Variants in SPAG16 observed in about 807,000 individuals in gnomAD.
The protein encoded by SPAG16 is sperm-associated antigen 16 protein.
Under a neutral mutation model 80.4 loss-of-function variants are expected in SPAG16, and 86 were observed. That is an observed-to-expected ratio of 1.07 (90% CI 0.90 to 1.28). The LOEUF is 1.28. Among genes scored for constraint, SPAG16 ranks in the 50% most tolerant of loss-of-function variants. SPAG16 has a pLI of 0.00. For synonymous variants in SPAG16, 294 were observed against 265.9 expected, an observed-to-expected ratio of 1.11 and a Z score of -1.03; for missense variants, 870 against 765.3, an observed-to-expected ratio of 1.14 and a Z score of -1.61.
intron 11 of SPAG16, among the ~76,000 whole-genome samples, chr2:213,865,631 T>C (rs2075651557): frequency 6.7e-6 from 1 of 149,482 alleles, no homozygotes; most frequent in South Asian, 2.1e-4. Flanking sequence ...AAAGGATGTA[T>C]ATTTATGTAT....
intron 15 of SPAG16, among the ~76,000 whole-genome samples, chr2:214,206,387 C>A (rs900914221): frequency 3.3e-4 from 50 of 152,244 alleles, no homozygotes; most frequent in African/African-American, 1.1e-3. Flanking sequence ...ATTTGTCTTT[C>A]TGTGTGTAGT....
intron 15 of SPAG16, among the ~76,000 whole-genome samples, chr2:214,308,778 T>G (rs1695097360): frequency 6.6e-6 from 1 of 152,170 alleles, no homozygotes; most frequent in African/African-American, 2.4e-5. Context: ...GGGCTTCTCT[T>G]TGTAGGTGAT....
At chr2:213,450,590 A>G (rs1425633553) in intron 9 of SPAG16, among the ~76,000 whole-genome samples, 1 of 152,158 alleles carries the variant, frequency 6.6e-6, no homozygotes, top group Non-Finnish European at 1.5e-5. Flanking sequence ...CACTAATTGA[A>G]TGTGCATTAT....
chr2:214,218,686 T>G (rs2058492477), intron 15 of SPAG16, among the ~76,000 whole-genome samples: 2 of 152,218 alleles, frequency 1.3e-5, no homozygotes, highest in Admixed American at 6.5e-5. Context: ...TATAGATCCT[T>G]GAAATATACA....
chr2:214,301,812 T>C, intron 15 of SPAG16, among the ~76,000 whole-genome samples: 1 of 152,114 alleles, frequency 6.6e-6, no homozygotes, highest in East Asian at 1.9e-4. Flanking sequence ...TCTCTTCTTC[T>C]GCTAGCTTTG....
chr2:214,012,838 G>A (rs2047381218), intron 12 of SPAG16, among the ~76,000 whole-genome samples: 1 of 152,068 alleles, frequency 6.6e-6, no homozygotes, highest in South Asian at 2.1e-4. Context: ...CTTTCTTCTG[G>A]GTCATTTCTA....
At chr2:214,197,565 C>T (rs2057879410) in intron 15 of SPAG16, among the ~76,000 whole-genome samples, 1 of 151,934 alleles carries the variant, frequency 6.6e-6, no homozygotes, top group Non-Finnish European at 1.5e-5. Context: ...AAATCTCCTA[C>T]ACATTTACTG....
chr2:214,224,818 C>G (rs2058663258), intron 15 of SPAG16, among the ~76,000 whole-genome samples: 1 of 152,110 alleles, frequency 6.6e-6, no homozygotes, highest in Admixed American at 6.6e-5. Context: ...TTTCTAGAAA[C>G]AGAGTATGCA....
At chr2:213,977,243 C>T (rs2045458845) in intron 12 of SPAG16, among the ~76,000 whole-genome samples, 1 of 152,052 alleles carries the variant, frequency 6.6e-6, no homozygotes, top group African/African-American at 2.4e-5. Context: ...AATACACACA[C>T]TGCCCCCCAG....
At chr2:213,964,593 G>C (rs1196973600) in intron 12 of SPAG16, among the ~76,000 whole-genome samples, 2 of 151,924 alleles carry the variant, frequency 1.3e-5, no homozygotes, top group Admixed American at 1.3e-4. Context: ...GAGGTCAGCT[G>C]TTAATCTTTT....
At chr2:213,643,872 C>T (rs1380268754) in intron 10 of SPAG16, among the ~76,000 whole-genome samples, 1 of 149,282 alleles carries the variant, frequency 6.7e-6, no homozygotes, top group African/African-American at 2.5e-5. Context: ...CCTCCACCTC[C>T]CCAGTTCAAG....
At chr2:213,924,597 T>C (rs1490687830) in intron 11 of SPAG16, among the ~76,000 whole-genome samples, 1 of 152,156 alleles carries the variant, frequency 6.6e-6, no homozygotes, top group Non-Finnish European at 1.5e-5. Context: ...CTATCCCTCA[T>C]CTTTATTTTC....
At chr2:213,833,824 C>A (rs182550870) in intron 10 of SPAG16, among the ~76,000 whole-genome samples, 52 of 150,236 alleles carry the variant, frequency 3.5e-4, no homozygotes, top group African/African-American at 9.8e-4. Flanking sequence ...TAATTCAGAC[C>A]CATTAGTTAT....
At chr2:214,158,894 AAAT>A (rs1654723041) in intron 15 of SPAG16, among the ~76,000 whole-genome samples, 1 of 152,038 alleles carries the variant, frequency 6.6e-6, no homozygotes, top group Non-Finnish European at 1.5e-5. Context: ...GCACATGCCC[AAAT>A]AATGATGAAT....
chr2:213,834,197 T>G (rs1342254489), intron 10 of SPAG16, among the ~76,000 whole-genome samples: 1 of 152,112 alleles, frequency 6.6e-6, no homozygotes, highest in Non-Finnish European at 1.5e-5. Flanking sequence ...TAAGTCCAAT[T>G]AAACCTCTTT....
chr2:213,790,326 C>A (rs1453177317), intron 10 of SPAG16, among the ~76,000 whole-genome samples: 1 of 151,820 alleles, frequency 6.6e-6, no homozygotes, highest in Admixed American at 6.6e-5. Flanking sequence ...TCTCAACTCT[C>A]AACACTTATT....
At chr2:213,329,326 C>T (rs1205125241) in intron 5 of SPAG16, among the ~76,000 whole-genome samples, 3 of 152,126 alleles carry the variant, frequency 2.0e-5, no homozygotes, top group Non-Finnish European at 4.4e-5. Flanking sequence ...TGTTGAATGG[C>T]GTTGCCCAAA....
chr2:214,389,642 A>G (rs1700954618), intron 15 of SPAG16, among the ~76,000 whole-genome samples: 1 of 152,254 alleles, frequency 6.6e-6, no homozygotes, highest in African/African-American at 2.4e-5. Flanking sequence ...AAGTAAGAGA[A>G]CAAGCTTAAT....
intron 6 of SPAG16, among the ~76,000 whole-genome samples, chr2:213,345,897 G>GTTTT (rs1017261376): frequency 2.0e-5 from 3 of 152,134 alleles, no homozygotes; most frequent in African/African-American, 4.8e-5. Context: ...CTTTAAAGTA[G>GTTTT]TTTTTTCCAG....
Sources: gnomAD v4.1 joint callset for allele counts (sites outside exome capture counted in the v4.1 genomes callset) on GRCh38, gnomAD v4.1.1 for gene constraint, MANE v1.5 for transcripts, NCBI Gene and HGNC (gene_info 2026-07-23, HGNC 2026-07-21) for gene names.